NELL1: variants seen among roughly 807,000 people sequenced by gnomAD.
NELL1 encodes protein kinase C-binding protein NELL1.
In NELL1, 76 loss-of-function variants were observed where a neutral mutation model predicts 107.4. That is an observed-to-expected ratio of 0.71 (90% confidence interval 0.59 to 0.86). The LOEUF (loss-of-function observed/expected upper bound fraction) is 0.86, where lower values mean the gene tolerates loss of function less well. Ranked by LOEUF, NELL1 falls within the 40% of genes least tolerant of loss-of-function variation. NELL1 has a pLI of 0.00. For synonymous variants in NELL1, 353 were observed against 341.2 expected (o/e 1.03, Z -0.38); for missense variants, 1,024 against 1,005.5 (o/e 1.02, Z -0.25).
intron 2 of NELL1, among the ~76,000 whole-genome samples, chr11:20,691,767 C>T (rs1262236953): frequency 4.0e-5 from 6 of 151,818 alleles, no homozygotes; most frequent in African/African-American, 7.3e-5. Flanking sequence ...TGTCTCTGAC[C>T]GGCTTTGGTA....
intron 10 of NELL1, among the ~76,000 whole-genome samples, chr11:20,945,568 G>T (rs1378890939): frequency 1.3e-5 from 2 of 152,218 alleles, no homozygotes; most frequent in East Asian, 3.8e-4. Flanking sequence ...ATTTATGCCA[G>T]GAGGCAGCAG....
chr11:21,375,627 A>C (rs1851456636), intron 15 of NELL1, among the ~76,000 whole-genome samples: 1 of 152,134 alleles, frequency 6.6e-6, no homozygotes, highest in South Asian at 2.1e-4. Context: ...ATATCTCCAA[A>C]CTGCTTTACA....
intron 2 of NELL1, among the ~76,000 whole-genome samples, chr11:20,743,000 C>T (rs1025116400): frequency 1.3e-5 from 2 of 152,092 alleles, no homozygotes; most frequent in Non-Finnish European, 2.9e-5. Context: ...AATGTAGCTT[C>T]TAACCAATCT....
At chr11:20,748,919 T>TCCATCCATCCACCCAGCCACCCAG (rs1856069612) in intron 2 of NELL1, among the ~76,000 whole-genome samples, 1 of 138,440 alleles carries the variant, frequency 7.2e-6, no homozygotes, top group African/African-American at 3.3e-5. Flanking sequence ...CACCCATCCA[T>TCCATCCATCCACCCAGCCACCCAG]CCATCCATCC....
In NELL1 at chr11:21,510,226, G is replaced by GA. The variant is rs199976323; in HGVS notation, c.1646-24145dup. ...CATAATCCATAATGGATGGCTTTTA[G>GA]AAATCATGTTTATGAATGTGCATAG... On this transcript the variant is annotated intron_variant, in intron 15 of 19. Transcript: ENST00000357134. Among the ~76,000 whole-genome samples the GA allele has an allele frequency of 5.3e-3, 802 of 152,268 alleles. 7 individuals carry two copies. The highest frequency in any genetic ancestry group is 0.018 in the African/African-American group (764 of 41,552).
intron 13 of NELL1, among the ~76,000 whole-genome samples, chr11:21,150,020 G>A: frequency 6.6e-6 from 1 of 152,018 alleles, no homozygotes; most frequent in East Asian, 1.9e-4. Context: ...CTGGAGAACT[G>A]GAAAGAAACA....
At chr11:21,219,310 C>G (rs562416102) in intron 13 of NELL1, among the ~76,000 whole-genome samples, 1 of 152,064 alleles carries the variant, frequency 6.6e-6, no homozygotes, top group Admixed American at 6.5e-5. Context: ...AGATTATTTG[C>G]CAATTTTTAT....
chr11:21,236,041 C>T (rs928799802), intron 14 of NELL1, among the ~76,000 whole-genome samples: 1 of 152,038 alleles, frequency 6.6e-6, no homozygotes, highest in Non-Finnish European at 1.5e-5. Context: ...AATCATTCTC[C>T]CAACAGACCA....
intron 12 of NELL1, among the ~76,000 whole-genome samples, chr11:21,079,837 G>T (rs1854224306): frequency 6.6e-6 from 1 of 152,034 alleles, no homozygotes; most frequent in African/African-American, 2.4e-5. Flanking sequence ...AAGGAAAATT[G>T]AAAGGGGCAG....
intron 12 of NELL1, among the ~76,000 whole-genome samples, chr11:20,980,623 A>G (rs1463583791): frequency 6.6e-6 from 1 of 152,226 alleles, no homozygotes; most frequent in African/African-American, 2.4e-5. Context: ...AGTTCTATAC[A>G]GTTCTGAATT....
chr11:20,969,825 C>G (rs1851458692), intron 12 of NELL1, among the ~76,000 whole-genome samples: 1 of 151,844 alleles, frequency 6.6e-6, no homozygotes, highest in South Asian at 2.1e-4. Context: ...AAAATAAAGG[C>G]CTTACTTTAC....
At chr11:20,851,388 T>A (rs1485934509) in intron 4 of NELL1, among the ~76,000 whole-genome samples, 1 of 152,172 alleles carries the variant, frequency 6.6e-6, no homozygotes. Context: ...GGATAGCAGA[T>A]TACCTCAAGC....
intron 12 of NELL1, among the ~76,000 whole-genome samples, chr11:20,975,864 ATTATATATACACATACATGTGTATT>A (rs1345553495): frequency 7.8e-6 from 1 of 127,628 alleles, no homozygotes. Context: ...ATATATGTGT[ATTATATATACACATACATGTGTATT>A]ATATATACAT....
chr11:21,005,338 A>T (rs1852306061), intron 12 of NELL1, among the ~76,000 whole-genome samples: 1 of 152,072 alleles, frequency 6.6e-6, no homozygotes, highest in African/African-American at 2.4e-5. Context: ...CACAGATTTC[A>T]CTCTTTTTGA....
At chr11:20,708,707 G>A (rs768908251) in intron 2 of NELL1, among the ~76,000 whole-genome samples, 18 of 152,032 alleles carry the variant, frequency 1.2e-4, no homozygotes, top group Admixed American at 5.9e-4. Flanking sequence ...TTCTTTTGCT[G>A]TGCAGAAGTT....
At chr11:20,780,135 A>G (rs1239683374) in intron 2 of NELL1, among the ~76,000 whole-genome samples, 2 of 152,130 alleles carry the variant, frequency 1.3e-5, no homozygotes, top group African/African-American at 4.8e-5. Context: ...GGGTCTCTTT[A>G]CTTCAGTGTG....
chr11:20,932,509 C>A (rs978676414), intron 9 of NELL1, among the ~76,000 whole-genome samples: 2 of 152,174 alleles, frequency 1.3e-5, no homozygotes, highest in African/African-American at 4.8e-5. Context: ...TAATCCCTAC[C>A]GAGGTCCTTC....
At chr11:21,057,198 A>T (rs1425846994) in intron 12 of NELL1, among the ~76,000 whole-genome samples, 1 of 152,104 alleles carries the variant, frequency 6.6e-6, no homozygotes, top group Admixed American at 6.6e-5. Flanking sequence ...GGCATTTCAT[A>T]AGACATAAAT....
intron 12 of NELL1, among the ~76,000 whole-genome samples, chr11:20,988,309 C>T (rs1851893187): frequency 6.6e-6 from 1 of 151,866 alleles, no homozygotes; most frequent in Non-Finnish European, 1.5e-5. Flanking sequence ...TTTAATTCCA[C>T]AAGACCTATT....
Sources: gnomAD v4.1 joint callset for allele counts (sites outside exome capture counted in the v4.1 genomes callset) on GRCh38, gnomAD v4.1.1 for gene constraint, MANE v1.5 for transcripts, NCBI Gene and HGNC (gene_info 2026-07-23, HGNC 2026-07-21) for gene names.